Variants in LPGAT1 observed in about 807,000 individuals in gnomAD.
The protein encoded by LPGAT1 is lysophosphatidylglycerol acyltransferase 1, also known as acyl-CoA:lysophosphatidylglycerol acyltransferase 1.
LPGAT1 carries 11 observed loss-of-function variants against 47.5 expected under a neutral mutation model. The observed-to-expected ratio is 0.23, with a 90% CI of 0.15 to 0.38. The LOEUF (loss-of-function observed/expected upper bound fraction) is 0.38, where lower values mean the gene tolerates loss of function less well. LPGAT1 is among the 10% of genes least tolerant of loss of function. The pLI is 1.00. For synonymous variants in LPGAT1, 138 were observed against 144.2 expected, an observed-to-expected ratio of 0.96 and a Z score of 0.31; for missense variants, 293 against 439.0, an observed-to-expected ratio of 0.67 and a Z score of 2.97.
At chr1:211,778,375 G>A (rs9729503) in intron 6 of LPGAT1, among the ~76,000 whole-genome samples, 8 of 146,150 alleles carry the variant, frequency 5.5e-5, no homozygotes, top group Admixed American at 1.4e-4. Context: ...AAAAAAAAAA[G>A]GAAGGCATGA....
chr1:211,805,880 T>G (rs1215660138), intron 2 of LPGAT1, among the ~76,000 whole-genome samples: 1 of 152,110 alleles, frequency 6.6e-6, no homozygotes, highest in Non-Finnish European at 1.5e-5. Flanking sequence ...AGGCAAAAAT[T>G]ATCAATAGAA....
At position 211,830,431 on chromosome 1, in the gene LPGAT1, G is replaced by C. The variant is rs917475678; in HGVS notation, c.-28+142C>G. 2 of 1,176,978 alleles carry C rather than the reference G, an allele frequency of 1.7e-6. No homozygotes were observed. The highest frequency in any genetic ancestry group is 4.5e-5 in the Admixed American group (1 of 22,146). The allele number at this position is 1,176,978 out of a possible 1,614,324, so 72.9% of individuals were successfully genotyped here. ...CCCCGCGCCCCCGCCTCCTCCCCGGGGCCTACCGCGCCCTCGTCCCTCAGG... is the reference window on the plus strand; with the variant it reads ...CCCCGCGCCCCCGCCTCCTCCCCGGCGCCTACCGCGCCCTCGTCCCTCAGG... On this transcript the variant is annotated intron_variant, in intron 1 of 7. Transcript: ENST00000366997. The surrounding 1 kb of genome is among the most constrained non-coding windows in gnomAD (Gnocchi z 5.9).
At chr1:211,810,975 T>C (rs1461317117) in intron 2 of LPGAT1, among the ~76,000 whole-genome samples, 2 of 152,252 alleles carry the variant, frequency 1.3e-5, no homozygotes, top group Non-Finnish European at 2.9e-5. Flanking sequence ...GTAGGCTTCC[T>C]ATATGACAAT....
At chr1:211,780,640 A>G (rs2102534298) in intron 5 of LPGAT1, among the ~76,000 whole-genome samples, 1 of 152,358 alleles carries the variant, frequency 6.6e-6, no homozygotes, top group Admixed American at 6.5e-5. Context: ...CTTGTAAAAC[A>G]AGTAAAAAAT....
At chr1:211,796,426 C>T (rs1659354541) in intron 2 of LPGAT1, among the ~76,000 whole-genome samples, 1 of 152,118 alleles carries the variant, frequency 6.6e-6, no homozygotes, top group South Asian at 2.1e-4. Context: ...TGAAGTGACG[C>T]ACCTACAAGC....
chr1:211,758,842 T>C (rs1189902727), intron 6 of LPGAT1, among the ~76,000 whole-genome samples: 1 of 152,256 alleles, frequency 6.6e-6, no homozygotes. Flanking sequence ...TAGATACCAT[T>C]AATCAGATTA....
chr1:211,780,091 C>T (rs1420343800), intron 5 of LPGAT1, among the ~76,000 whole-genome samples: 3 of 151,876 alleles, frequency 2.0e-5, no homozygotes, highest in African/African-American at 7.3e-5. Flanking sequence ...GCAGGAGAAT[C>T]GCTTGAACCC....
Position 211,783,308 on chromosome 1 carries a change from C to T in LPGAT1, c.648G>A (p.Gly216=). The T allele has an allele frequency of 1.2e-6, 2 of 1,614,020 alleles. No individual in the cohort carries two copies. Among genetic ancestry groups the T allele is most frequent in the Non-Finnish European group, 1.7e-6 (2 of 1,179,998 alleles). ...FLTNVTLPRS[G]ATKIILNALV... The stretch of plus-strand genomic sequence containing the variant: ...GTGCATTCAAAATAATTTTTGTTGC[C>T]CCAGACCTTGGCAGAGTAACATTTG... The change falls in exon 5 of 8, where the codon GGG becomes GGA. Residue 216 remains glycine, a synonymous_variant. Transcript: ENST00000366997.
chr1:211,826,157 A>C (rs1660539281), intron 2 of LPGAT1, among the ~76,000 whole-genome samples: 1 of 152,194 alleles, frequency 6.6e-6, no homozygotes, highest in Non-Finnish European at 1.5e-5. Context: ...AAGTATAAGA[A>C]TGTTCATTTA....
At chr1:211,821,246 A>C (rs1005177906) in intron 2 of LPGAT1, among the ~76,000 whole-genome samples, 1 of 152,138 alleles carries the variant, frequency 6.6e-6, no homozygotes, top group African/African-American at 2.4e-5. Flanking sequence ...ACAGAGTGAG[A>C]CTCCATCTCA....
intron 2 of LPGAT1, among the ~76,000 whole-genome samples, chr1:211,809,453 T>A (rs1659883588): frequency 6.6e-6 from 1 of 152,196 alleles, no homozygotes; most frequent in Non-Finnish European, 1.5e-5. Context: ...GGGAAAACTT[T>A]AACTAAGTAA....
intron 6 of LPGAT1, among the ~76,000 whole-genome samples, chr1:211,765,812 A>C (rs1362873838): frequency 6.6e-6 from 1 of 152,218 alleles, no homozygotes; most frequent in Non-Finnish European, 1.5e-5. Flanking sequence ...GGCTAAGTCT[A>C]GACTGGGCTA....
At chr1:211,754,878 G>T (rs1265287372) in intron 6 of LPGAT1, among the ~76,000 whole-genome samples, 1 of 151,874 alleles carries the variant, frequency 6.6e-6, no homozygotes, top group African/African-American at 2.4e-5. Flanking sequence ...AGCCAGGCGT[G>T]GTGGCAGGCG....
rs915191519 is a variant in LPGAT1 at position 211,749,084 on chromosome 1, C to T, written c.*815G>A. ...GGCAAATAAACACACAGAGACAAGA[C>T]AGTTCTCGAGAACCTCACACACTGC... On this transcript the variant is annotated 3_prime_UTR_variant, in exon 8 of 8. Coordinates refer to ENST00000366997, the MANE Select transcript of LPGAT1 (RefSeq NM_014873.3). 7.2e-5 allele frequency: 11 copies of T among 152,690 alleles called. No homozygotes were observed. Among genetic ancestry groups the T allele is most frequent in the African/African-American group, 2.4e-4 (10 of 41,456 alleles). The allele number at this position is 152,690 out of a possible 1,614,324, so 9.5% of individuals were successfully genotyped here. A position where few individuals can be genotyped will look rare whatever the true frequency, so the allele number is the denominator to read the frequency against.
At chr1:211,824,758 GT>G (rs1163915534) in intron 2 of LPGAT1, among the ~76,000 whole-genome samples, 4 of 152,090 alleles carry the variant, frequency 2.6e-5, no homozygotes, top group Admixed American at 2.6e-4. Flanking sequence ...TACTAAATTG[GT>G]TTTACGGCTC....
chr1:211,791,796 AC>A (rs1659130012), intron 3 of LPGAT1, among the ~76,000 whole-genome samples: 1 of 147,548 alleles, frequency 6.8e-6, no homozygotes, highest in South Asian at 2.1e-4. Flanking sequence ...ACAAAAAAAA[AC>A]ATTGTTTGTG....
chr1:211,810,237 CAG>C (rs767428987), intron 2 of LPGAT1, among the ~76,000 whole-genome samples: 1 of 152,062 alleles, frequency 6.6e-6, no homozygotes, highest in East Asian at 1.9e-4. Flanking sequence ...TTATTTTCTT[CAG>C]AGAGACACAG....
chr1:211,765,770 T>C (rs911875631), intron 6 of LPGAT1, among the ~76,000 whole-genome samples: 5 of 152,232 alleles, frequency 3.3e-5, no homozygotes, highest in African/African-American at 7.2e-5. Flanking sequence ...ATTATTTTAG[T>C]TCTATGTGTA....
At chr1:211,788,551 G>A (rs1393943305) in intron 3 of LPGAT1, among the ~76,000 whole-genome samples, 1 of 151,906 alleles carries the variant, frequency 6.6e-6, no homozygotes. Flanking sequence ...GCGTGGTGGT[G>A]CGTGCCTGTA....
Sources: allele counts gnomAD v4.1 joint callset (sites outside exome capture counted in the v4.1 genomes callset), GRCh38; gene constraint gnomAD v4.1.1; non-coding constraint Gnocchi (gnomAD v3.1); transcripts MANE v1.5; gene names NCBI Gene and HGNC (gene_info 2026-07-23, HGNC 2026-07-21).